DOP1B: variants seen among roughly 807,000 people sequenced by gnomAD.
DOP1B encodes DOP1 leucine zipper like protein B.
Under a neutral mutation model 233.5 loss-of-function variants are expected in DOP1B, and 174 were observed. The ratio of observed to expected loss-of-function variants is 0.75; its 90% CI spans 0.66 to 0.85. The LOEUF (loss-of-function observed/expected upper bound fraction) is 0.85, where lower values mean the gene tolerates loss of function less well. DOP1B is among the 40% of genes least tolerant of loss of function. The pLI is 0.00. For missense variants in DOP1B, 2,652 were observed against 2,846.6 expected (o/e 0.93, Z 1.56); for synonymous variants, 1,190 against 1,185.6 (o/e 1.00, Z -0.08).
chr21:36,214,377 G>T, intron 8 of DOP1B, 65 bp from the exon 9 acceptor site: 1 of 1,483,408 alleles, frequency 6.7e-7, no homozygotes. Flanking sequence ...AATTAGAATA[G>T]CCAGTAATGT....
chr21:36,186,409 G>T (rs1484770165), intron 2 of DOP1B, among the ~76,000 whole-genome samples: 1 of 151,924 alleles, frequency 6.6e-6, no homozygotes, highest in African/African-American at 2.4e-5. Context: ...ATGTATGCAT[G>T]TGTAGAGGGT....
intron 1 of DOP1B, among the ~76,000 whole-genome samples, chr21:36,159,024 C>T (rs554943761): frequency 4.5e-4 from 68 of 151,788 alleles, no homozygotes; most frequent in African/African-American, 1.5e-3. Flanking sequence ...CCCAGCTACT[C>T]GGGAGGCTGA....
chr21:36,202,830 C>T lies in DOP1B; in HGVS notation c.491+2329C>T, dbSNP rs1277852989. On this transcript the variant is annotated intron_variant, in intron 4 of 36. Transcript: ENST00000691173. Reference sequence around the variant, plus strand: ...ACTCGGTAAGTGTGTGTTGAGTTAACGAGTGGTCCAGGTCACATAGGAGGC... The same window carrying T: ...ACTCGGTAAGTGTGTGTTGAGTTAATGAGTGGTCCAGGTCACATAGGAGGC... Among the ~76,000 whole-genome samples, 4 of 152,242 alleles carry T rather than the reference C, an allele frequency of 2.6e-5. No homozygotes were observed. The East Asian group carries it at 7.7e-4, about 29-fold the overall frequency.
chr21:36,234,162 A>T (rs1195641444), intron 15 of DOP1B, among the ~76,000 whole-genome samples: 1 of 152,040 alleles, frequency 6.6e-6, no homozygotes, highest in Non-Finnish European at 1.5e-5. Context: ...CCAGCTGCTT[A>T]TTGACTTTTG....
chr21:36,191,208 T>C (rs1388686961), intron 2 of DOP1B, among the ~76,000 whole-genome samples: 4 of 149,448 alleles, frequency 2.7e-5, no homozygotes, highest in Non-Finnish European at 4.4e-5. Flanking sequence ...GTGAAGACGC[T>C]GTCAGAGAAT....
At chr21:36,263,236 C>CTA (rs2067193948) in intron 24 of DOP1B, among the ~76,000 whole-genome samples, 2 of 47,498 alleles carry the variant, frequency 4.2e-5, no homozygotes, top group Non-Finnish European at 7.4e-5. Context: ...CTCCGTCTCA[C>CTA]CAAAAAAAAA....
Position 36,199,390 on chromosome 21 carries a change from A to G in DOP1B, c.320+139A>G, listed in dbSNP as rs2066331931. ...AGTTTATCATAAAGCCATCACCAGG[A>G]GACGTCACTGGGCGCCTTCTGGAGT... On this transcript the variant is annotated intron_variant, in intron 3 of 36. Coordinates refer to ENST00000691173, the MANE Select transcript of DOP1B (RefSeq NM_001320714.2). 3 of 1,107,684 alleles carry G rather than the reference A, an allele frequency of 2.7e-6. No individual in the cohort carries two copies. In the East Asian group the frequency reaches 7.8e-5, roughly 29 times the overall value. The allele number at this position is 1,107,684 out of a possible 1,614,324, so 68.6% of individuals were successfully genotyped here.
intron 9 of DOP1B, among the ~76,000 whole-genome samples, chr21:36,215,408 C>CGAAT (rs1275680994): frequency 6.6e-6 from 1 of 151,950 alleles, no homozygotes; most frequent in Non-Finnish European, 1.5e-5. Context: ...AATGAATGAA[C>CGAAT]GAATGAATGA....
Position 36,200,459 on chromosome 21 carries a change from G to C in DOP1B, c.449G>C (p.Gly150Ala), listed in dbSNP as rs747974617. The C allele has an allele frequency of 1.3e-5, 21 of 1,612,564 alleles. No individual in the cohort carries two copies. The highest frequency in any genetic ancestry group is 1.7e-5 in the Non-Finnish European group (20 of 1,179,882). Reference protein sequence around the residue: ...LLPSLQAFIVGLLPGLEEGSE... With the variant: ...LLPSLQAFIVALLPGLEEGSE... ...CCCAGTCTGCAGGCCTTCATCGTGG[G>C]CCTGCTGCCCGGCCTTGAAGAGGGC... Residue 150 changes from glycine to alanine, a missense_variant, in exon 4 of 37, where the codon GGC becomes GCC. Gly to Ala is a moderately conservative substitution (Grantham distance 60). This residue lies in a region of DOP1B where 2,617 missense variants were observed against 2,794.3 expected (regional missense o/e 0.94). Coordinates refer to ENST00000691173, the MANE Select transcript of DOP1B (RefSeq NM_001320714.2).
At chr21:36,271,689 A>C (rs1202822634) in intron 27 of DOP1B, among the ~76,000 whole-genome samples, 2 of 152,088 alleles carry the variant, frequency 1.3e-5, no homozygotes, top group African/African-American at 2.4e-5. Flanking sequence ...CACCATGTGT[A>C]TGCCATCCTG....
chr21:36,199,422 G>A (rs545773214), intron 3 of DOP1B, among the ~76,000 whole-genome samples, 171 bp downstream of exon 3: 18 of 151,964 alleles, frequency 1.2e-4, no homozygotes, highest in Admixed American at 2.0e-4. Flanking sequence ...GAGTCTATCC[G>A]TCCTAACTTT....
intron 33 of DOP1B, 136 bp from the exon 34 acceptor site, chr21:36,288,620 C>A: frequency 1.5e-6 from 1 of 683,244 alleles, no homozygotes; most frequent in Non-Finnish European, 2.5e-6. Flanking sequence ...CACTGCACTC[C>A]AGACTGGGTG....
chr21:36,226,359 G>A (rs1366007214), intron 12 of DOP1B, among the ~76,000 whole-genome samples: 1 of 150,492 alleles, frequency 6.6e-6, no homozygotes, highest in African/African-American at 2.4e-5. Flanking sequence ...GTGCAATGGT[G>A]TGATCTCGGC....
chr21:36,227,846 A>T lies in DOP1B; in HGVS notation c.1634A>T (p.Tyr545Phe). 6.2e-7 allele frequency: 1 copy of T among 1,607,870 alleles called. No homozygotes were observed. The highest frequency in any genetic ancestry group is 8.5e-7 in the Non-Finnish European group (1 of 1,175,748). ...AGCAAAGTCCAGATGCCTCCTTCCT[A>T]CCTCGACACGGAGTCCACCAGCGGA... is the stretch of plus-strand genomic sequence containing the variant. ...VLSKVQMPPS[Y>F]LDTESTSGTS... Residue 545 changes from tyrosine to phenylalanine, a missense_variant, in exon 13 of 37, where the codon TAC becomes TTC. Tyr to Phe is a conservative substitution (Grantham distance 22). Around this residue, in one of 3 missense-constraint regions of DOP1B, gnomAD observed 2,617 missense variants for 2,794.3 expected, o/e 0.94. Transcript: ENST00000691173.
rs779574489 is a variant in DOP1B, at chr21:36,200,291, A to G, written c.321-40A>G. On this transcript the variant is annotated intron_variant, in intron 3 of 36. Coordinates refer to ENST00000691173, the MANE Select transcript of DOP1B (RefSeq NM_001320714.2). The stretch of plus-strand genomic sequence containing the variant: ...TGTCACCTGGGACTTCTGACTGGGT[A>G]TCTTATTTCTGCCCCGCTCCCTCTC... 37 of 1,523,280 alleles carry G rather than the reference A, an allele frequency of 2.4e-5. No individual in the cohort carries two copies. In the South Asian group the frequency reaches 3.1e-4, roughly 13 times the overall value. The allele number at this position is 1,523,280 out of a possible 1,614,324, so 94.4% of individuals were successfully genotyped here.
chr21:36,215,443 C>T (rs926036092), intron 9 of DOP1B, among the ~76,000 whole-genome samples: 4 of 152,010 alleles, frequency 2.6e-5, no homozygotes, highest in African/African-American at 9.7e-5. Flanking sequence ...CTCTGTTGCC[C>T]AGGCTGGAGT....
At chr21:36,233,497 T>A (rs2066790939) in intron 15 of DOP1B, among the ~76,000 whole-genome samples, 1 of 152,144 alleles carries the variant, frequency 6.6e-6, no homozygotes. Context: ...GAGCACCCTT[T>A]TGCTTGGCCA....
At position 36,223,265 on chromosome 21, in the gene DOP1B, G is replaced by C. The variant is rs752246408; in HGVS notation, c.1285G>C (p.Val429Leu). 3.1e-6 allele frequency: 5 copies of C among 1,608,430 alleles called. No homozygotes were observed. The highest frequency in any genetic ancestry group is 4.2e-6 in the Non-Finnish European group (5 of 1,178,668). ...IKENRNASEI[V>L]KTVNLLITSL... ...GGAAAACAGAAATGCCTCTGAGATT[G>C]TCAAAACGGTAAATTTGCTGATAAC... Residue 429 changes from valine to leucine, a missense_variant, in exon 11 of 37, where the codon GTC (valine) becomes CTC (leucine). By Grantham distance (32) the Val-to-Leu change is conservative (BLOSUM62 1). Around this residue, in one of 3 missense-constraint regions of DOP1B, gnomAD observed 2,617 missense variants for 2,794.3 expected, o/e 0.94. Coordinates refer to ENST00000691173, the MANE Select transcript of DOP1B (RefSeq NM_001320714.2).
Position 36,251,164 on chromosome 21 carries a change from C to T in DOP1B, c.5001C>T (p.Thr1667=). Residue 1667 remains threonine, a splice_region_variant and synonymous_variant, in exon 22 of 37, where the codon ACC becomes ACT. Coordinates refer to ENST00000691173, the MANE Select transcript of DOP1B (RefSeq NM_001320714.2). ...SSSVYFKTTK[T]IRQKILDFLN... ...ACTTTTTTTTCCCTATTTTCTAGACCATAAGACAAAAAATTTTAGACTTCT... is the reference window on the plus strand; with the variant it reads ...ACTTTTTTTTCCCTATTTTCTAGACTATAAGACAAAAAATTTTAGACTTCT... 6.2e-7 allele frequency: 1 copy of T among 1,608,182 alleles called. No homozygotes were observed. Among genetic ancestry groups the T allele is most frequent in the East Asian group, 2.2e-5 (1 of 44,830 alleles).
Sources: allele counts gnomAD v4.1 joint callset (sites outside exome capture counted in the v4.1 genomes callset), GRCh38; gene constraint gnomAD v4.1.1; regional missense constraint gnomAD v4.1.1; transcripts MANE v1.5; gene names NCBI Gene and HGNC (gene_info 2026-07-23, HGNC 2026-07-21).